Variants in PARM1 observed in about 807,000 individuals in gnomAD.
PARM1 encodes prostate androgen-regulated mucin-like protein 1.
PARM1 carries 14 observed loss-of-function variants against 24.6 expected under a neutral mutation model. That is an observed-to-expected ratio of 0.57 (90% CI 0.38 to 0.89). The LOEUF is 0.89. PARM1 is among the 40% of genes least tolerant of loss of function. The pLI is 0.00. For synonymous variants in PARM1, 179 were observed against 156.6 expected, an observed-to-expected ratio of 1.14 and a Z score of -1.07; for missense variants, 362 against 380.4, an observed-to-expected ratio of 0.95 and a Z score of 0.40.
chr4:75,009,503 T>C (rs1271026526), intron 1 of PARM1, among the ~76,000 whole-genome samples: 1 of 152,232 alleles, frequency 6.6e-6, no homozygotes, highest in Admixed American at 6.5e-5. Flanking sequence ...TAGAGTTAAA[T>C]AGTTGAAGAC....
rs190833180 is a variant in PARM1, at chr4:74,986,425, A to G, written c.44-26000A>G. Among the ~76,000 whole-genome samples, 509 of 152,354 alleles carry G rather than the reference A, an allele frequency of 3.3e-3. 6 individuals are homozygous for G. Among genetic ancestry groups the G allele is most frequent in the African/African-American group, 0.011 (474 of 41,584 alleles). ...TGACTTAACCAGTCCCATCAATTAAATGAAGTCCCAGACATATTCCTCCAC... is the reference window on the plus strand; with the variant it reads ...TGACTTAACCAGTCCCATCAATTAAGTGAAGTCCCAGACATATTCCTCCAC... On this transcript the variant is annotated intron_variant, in intron 1 of 3. Coordinates refer to ENST00000307428, the MANE Select transcript of PARM1 (RefSeq NM_015393.4).
chr4:74,936,163 A>C (rs1721179365), intron 1 of PARM1, among the ~76,000 whole-genome samples: 1 of 152,166 alleles, frequency 6.6e-6, no homozygotes, highest in Non-Finnish European at 1.5e-5. Context: ...GGAGAGAGAA[A>C]TCTTAGATGG....
chr4:75,008,845 A>C (rs1019381201), intron 1 of PARM1, among the ~76,000 whole-genome samples: 3 of 151,954 alleles, frequency 2.0e-5, no homozygotes, highest in South Asian at 2.1e-4. Flanking sequence ...AGACTCTTTG[A>C]CTCGACTAAC....
chr4:75,012,630 A>G lies in PARM1; in HGVS notation c.249A>G (p.Ile83Met). The change falls in exon 2 of 4, where the codon ATA becomes ATG. Residue 83 changes from isoleucine to methionine, a missense_variant. By Grantham distance (10) the Ile-to-Met change is conservative (BLOSUM62 1). Coordinates refer to ENST00000307428, the MANE Select transcript of PARM1 (RefSeq NM_015393.4). ...CTCTGCTTCCTAAGAACATTTCCAT[A>G]GAGTCCAGAGAAGAGGAGATCACCA... ...PTSLLPKNIS[I>M]ESREEEITSP... The G allele has an allele frequency of 6.2e-7, 1 of 1,613,986 alleles. No homozygotes were observed.
chr4:75,020,034 AAAAG>A (rs1309722317), intron 2 of PARM1, among the ~76,000 whole-genome samples: 1 of 149,610 alleles, frequency 6.7e-6, no homozygotes, highest in East Asian at 1.9e-4. Context: ...AAAAAAAAAA[AAAAG>A]AAAATTTCAG....
chr4:74,945,163 C>A (rs1164669227), intron 1 of PARM1, among the ~76,000 whole-genome samples: 1 of 152,110 alleles, frequency 6.6e-6, no homozygotes, highest in Non-Finnish European at 1.5e-5. Context: ...GAAAGGCAAG[C>A]TACAAAATTA....
chr4:75,007,269 T>C (rs1264914184), intron 1 of PARM1, among the ~76,000 whole-genome samples: 4 of 152,224 alleles, frequency 2.6e-5, no homozygotes, highest in Non-Finnish European at 5.9e-5. Context: ...ACTTTTACAC[T>C]GTTAGTGGGA....
At chr4:74,951,990 C>G (rs1721534678) in intron 1 of PARM1, among the ~76,000 whole-genome samples, 1 of 152,202 alleles carries the variant, frequency 6.6e-6, no homozygotes, top group South Asian at 2.1e-4. Flanking sequence ...ATTTCTGGAT[C>G]TAGATCCTTA....
intron 1 of PARM1, among the ~76,000 whole-genome samples, chr4:74,968,089 A>G (rs956595655): frequency 1.3e-5 from 2 of 152,190 alleles, no homozygotes; most frequent in African/African-American, 4.8e-5. Flanking sequence ...AAATTAATAT[A>G]TGTTTATGAC....
At chr4:75,010,899 T>C (rs1277583251) in intron 1 of PARM1, among the ~76,000 whole-genome samples, 1 of 152,180 alleles carries the variant, frequency 6.6e-6, no homozygotes, top group East Asian at 1.9e-4. Context: ...AAAAGAGGTT[T>C]GATTGGCTCA....
Position 75,012,459 on chromosome 4 carries a change from T to G in PARM1, c.78T>G (p.Pro26=). 3 of 1,613,970 alleles carry G rather than the reference T, an allele frequency of 1.9e-6. No homozygotes were observed. The highest frequency in any genetic ancestry group is 2.5e-6 in the Non-Finnish European group (3 of 1,179,874). The stretch of plus-strand genomic sequence containing the variant: ...TACAGAGTCTGCCTACATCAGCTCC[T>G]TTGTCTGTTTCTCTTCCGACAAACA... The part of the protein sequence containing the change: ...WRVQSLPTSA[P]LSVSLPTNIV... The change falls in exon 2 of 4, where the codon CCT becomes CCG. Residue 26 remains proline, a synonymous_variant. Transcript: ENST00000307428.
intron 1 of PARM1, among the ~76,000 whole-genome samples, chr4:74,938,334 A>T (rs1721234711): frequency 6.6e-6 from 1 of 152,230 alleles, no homozygotes; most frequent in Non-Finnish European, 1.5e-5. Context: ...GACTGTCTTA[A>T]ATCTAAATGA....
intron 1 of PARM1, among the ~76,000 whole-genome samples, chr4:74,977,849 T>C (rs936343406): frequency 2.6e-5 from 4 of 152,184 alleles, no homozygotes; most frequent in African/African-American, 9.7e-5. Flanking sequence ...ACCCAGAATT[T>C]CATATCAGGC....
At chr4:75,007,624 C>A (rs1722796253) in intron 1 of PARM1, among the ~76,000 whole-genome samples, 1 of 152,182 alleles carries the variant, frequency 6.6e-6, no homozygotes, top group Non-Finnish European at 1.5e-5. Context: ...AGGCTACATT[C>A]TTACTGGTTT....
chr4:75,030,957 T>G (rs1723264793), intron 2 of PARM1, among the ~76,000 whole-genome samples: 1 of 152,222 alleles, frequency 6.6e-6, no homozygotes, highest in African/African-American at 2.4e-5. Flanking sequence ...AAATGGCATT[T>G]GTTTTCACAA....
At chr4:75,007,794 G>T (rs1420228984) in intron 1 of PARM1, among the ~76,000 whole-genome samples, 1 of 152,152 alleles carries the variant, frequency 6.6e-6, no homozygotes, top group Non-Finnish European at 1.5e-5. Flanking sequence ...GATGGAATTA[G>T]TGCCCTTATA....
Position 75,006,939 on chromosome 4 carries a change from C to T in PARM1, c.44-5486C>T, listed in dbSNP as rs180865444. 1.5e-4 allele frequency among the ~76,000 whole-genome samples: 23 copies of T among 152,218 alleles called. No homozygotes were observed. In the South Asian group the frequency reaches 2.9e-3, roughly 19 times the overall value. On this transcript the variant is annotated intron_variant, in intron 1 of 3. Transcript: ENST00000307428. Reference sequence around the variant, plus strand: ...AACTACCATCAGAGTGAACAGGCAACCTACATAATGGGAGAAAATTTTTGC... The same window carrying T: ...AACTACCATCAGAGTGAACAGGCAATCTACATAATGGGAGAAAATTTTTGC...
At chr4:74,964,280 C>G (rs1239237690) in intron 1 of PARM1, among the ~76,000 whole-genome samples, 2 of 152,190 alleles carry the variant, frequency 1.3e-5, no homozygotes, top group Non-Finnish European at 2.9e-5. Context: ...ACCTGGAGAA[C>G]AGCATTCACA....
chr4:74,968,870 G>T (rs1457188411), intron 1 of PARM1, among the ~76,000 whole-genome samples: 1 of 152,166 alleles, frequency 6.6e-6, no homozygotes, highest in Admixed American at 6.5e-5. Flanking sequence ...AGAAATACAG[G>T]TAAATCTGTA....
Sources: gnomAD v4.1 joint callset for allele counts (sites outside exome capture counted in the v4.1 genomes callset) on GRCh38, gnomAD v4.1.1 for gene constraint, MANE v1.5 for transcripts, NCBI Gene and HGNC (gene_info 2026-07-23, HGNC 2026-07-21) for gene names.